The following PPP2R2A variants were observed in gnomAD, a reference collection of about 807,000 sequenced individuals.
PPP2R2A encodes protein phosphatase 2 regulatory subunit Balpha, also known as serine/threonine-protein phosphatase 2A 55 kDa regulatory subunit B alpha isoform.
In PPP2R2A, 9 loss-of-function variants were observed where a neutral mutation model predicts 53.2. That is an observed-to-expected ratio of 0.17 (90% CI 0.10 to 0.30). The LOEUF is 0.30. Among genes scored for constraint, PPP2R2A ranks in the 10% least tolerant of loss-of-function variants. PPP2R2A has a pLI of 1.00. For missense variants in PPP2R2A, 235 were observed against 534.6 expected (o/e 0.44, Z 5.53); for synonymous variants, 169 against 174.2 (o/e 0.97, Z 0.23).
intron 2 of PPP2R2A, among the ~76,000 whole-genome samples, chr8:26,336,493 GT>G (rs1803667970): frequency 6.6e-6 from 1 of 152,012 alleles, no homozygotes; most frequent in Admixed American, 6.5e-5. Context: ...AATCTCAATT[GT>G]TTTACTGTAA....
chr8:26,333,998 C>G (rs1803519854), intron 2 of PPP2R2A, among the ~76,000 whole-genome samples: 1 of 146,674 alleles, frequency 6.8e-6, no homozygotes, highest in South Asian at 2.2e-4. Flanking sequence ...AATTTAAGAA[C>G]ATTACATTAC....
At chr8:26,341,781 C>T (rs530106443) in intron 3 of PPP2R2A, among the ~76,000 whole-genome samples, 39 of 152,186 alleles carry the variant, frequency 2.6e-4, no homozygotes, top group African/African-American at 9.4e-4. Flanking sequence ...TACTGGAGAC[C>T]AAAATATCTC....
chr8:26,334,290 G>A (rs200398019), intron 2 of PPP2R2A, among the ~76,000 whole-genome samples: 7 of 152,200 alleles, frequency 4.6e-5, no homozygotes, highest in African/African-American at 1.7e-4. Flanking sequence ...GTGGTGGTTT[G>A]TGAGAATATA....
chr8:26,308,275 C>G (rs1326744190), intron 2 of PPP2R2A, among the ~76,000 whole-genome samples: 2 of 152,214 alleles, frequency 1.3e-5, no homozygotes, highest in African/African-American at 4.8e-5. Flanking sequence ...GACTGTGGCA[C>G]TTCTTAAAAA....
At chr8:26,329,752 T>C (rs759811456) in intron 2 of PPP2R2A, among the ~76,000 whole-genome samples, 3 of 152,234 alleles carry the variant, frequency 2.0e-5, no homozygotes, top group Non-Finnish European at 4.4e-5. Flanking sequence ...AAGGGTTTTT[T>C]CAGGGGATAG....
chr8:26,304,594 G>T, intron 2 of PPP2R2A, among the ~76,000 whole-genome samples: 1 of 152,142 alleles, frequency 6.6e-6, no homozygotes, highest in East Asian at 1.9e-4. Context: ...GTTACCCTGC[G>T]TGTCTGTTTT....
Position 26,291,696 on chromosome 8 carries a change from C to G in PPP2R2A, c.-124C>G. 2.9e-6 allele frequency: 2 copies of G among 686,772 alleles called. No individual in the cohort carries two copies. The highest frequency in any genetic ancestry group is 4.8e-6 in the Non-Finnish European group (2 of 414,306). 42.5% of individuals were successfully genotyped at this position (686,772 alleles called of 1,614,324 possible). ...TCCTTTTCCCCCCGGCCCCCGTCCC[C>G]TCCCCCCGCAGGTGCCATCCGCCGC... On this transcript the variant is annotated 5_prime_UTR_variant, in exon 1 of 10. Coordinates refer to ENST00000380737, the MANE Select transcript of PPP2R2A (RefSeq NM_002717.4).
intron 2 of PPP2R2A, among the ~76,000 whole-genome samples, chr8:26,336,903 C>T (rs1158665180): frequency 6.6e-6 from 1 of 151,350 alleles, no homozygotes; most frequent in African/African-American, 2.4e-5. Flanking sequence ...GTCCATGCTG[C>T]ACCAAACCTA....
chr8:26,369,846 C>G (rs1181298848), intron 9 of PPP2R2A, among the ~76,000 whole-genome samples: 2 of 152,150 alleles, frequency 1.3e-5, no homozygotes, highest in Non-Finnish European at 2.9e-5. Context: ...CCTGTAGTTG[C>G]AAAAATACTT....
intron 2 of PPP2R2A, among the ~76,000 whole-genome samples, chr8:26,306,244 G>T (rs889807212): frequency 6.6e-6 from 1 of 151,822 alleles, no homozygotes; most frequent in African/African-American, 2.4e-5. Context: ...GGGAGGCCAA[G>T]GTGGGTGGAT....
intron 4 of PPP2R2A, among the ~76,000 whole-genome samples, chr8:26,357,842 G>A (rs1804874723): frequency 6.6e-6 from 1 of 152,034 alleles, no homozygotes; most frequent in East Asian, 1.9e-4. Context: ...ACACCACAGT[G>A]TGGTCGTTTT....
chr8:26,349,934 G>C lies in PPP2R2A; in HGVS notation c.181-4534G>C, dbSNP rs1406251420. Among the ~76,000 whole-genome samples, 3 of 152,274 alleles carry C rather than the reference G, an allele frequency of 2.0e-5. No homozygotes were observed. The East Asian group carries it at 5.8e-4, about 29-fold the overall frequency. On this transcript the variant is annotated intron_variant, in intron 3 of 9. Coordinates refer to ENST00000380737, the MANE Select transcript of PPP2R2A (RefSeq NM_002717.4). ...AGCAGACATCACAGTAAAAAGTTCT[G>C]CTAATTTTATTCTTGTGAACAGTAT...
In PPP2R2A at chr8:26,362,668, A is replaced by G. The variant is rs1223682422; in HGVS notation, c.638-16A>G. Reference sequence around the variant, plus strand: ...CTTTTTTCTAAGTGGAAATTCCTTAATAAAATGTTATCTAGACATTGTGGA... The same window carrying G: ...CTTTTTTCTAAGTGGAAATTCCTTAGTAAAATGTTATCTAGACATTGTGGA... On this transcript the variant is annotated splice_polypyrimidine_tract_variant and intron_variant, in intron 6 of 9. Transcript: ENST00000380737. The surrounding 1 kb of genome is among the most constrained non-coding windows in gnomAD (Gnocchi z 4.4). The G allele has an allele frequency of 6.2e-7, 1 of 1,609,090 alleles. No individual in the cohort carries two copies. The highest frequency in any genetic ancestry group is 8.5e-7 in the Non-Finnish European group (1 of 1,176,942).
chr8:26,323,899 C>T (rs1416835755), intron 2 of PPP2R2A, among the ~76,000 whole-genome samples: 2 of 152,208 alleles, frequency 1.3e-5, no homozygotes, highest in African/African-American at 4.8e-5. Flanking sequence ...CTCTCTTAGG[C>T]TACTGCAGTA....
Position 26,370,031 on chromosome 8 carries a change from C to T in PPP2R2A, c.1065-103C>T, listed in dbSNP as rs1805592589. ...ACAGCCCCTGTCCCTTAGTTTAAAT[C>T]TGCTTTTGAAGTAGCTTCCTATGGT... On this transcript the variant is annotated intron_variant, in intron 9 of 9. Coordinates refer to ENST00000380737, the MANE Select transcript of PPP2R2A (RefSeq NM_002717.4). This position sits in a 1 kb window ranked among gnomAD's most constrained non-coding sequence, Gnocchi z 6.1. 1.2e-5 allele frequency: 15 copies of T among 1,245,494 alleles called. No individual in the cohort carries two copies. The South Asian group carries it at 2.2e-4, about 18-fold the overall frequency. The allele number at this position is 1,245,494 out of a possible 1,614,324, so 77.2% of individuals were successfully genotyped here. A position where few individuals can be genotyped will look rare whatever the true frequency, so the allele number is the denominator to read the frequency against.
At chr8:26,341,559 A>G (rs1803944883) in intron 3 of PPP2R2A, among the ~76,000 whole-genome samples, 2 of 152,242 alleles carry the variant, frequency 1.3e-5, no homozygotes. Flanking sequence ...TAACAAGGTT[A>G]TATTGCTTCA....
At chr8:26,334,675 G>A (rs1803561319) in intron 2 of PPP2R2A, among the ~76,000 whole-genome samples, 1 of 152,062 alleles carries the variant, frequency 6.6e-6, no homozygotes, top group African/African-American at 2.4e-5. Flanking sequence ...AACCCGGGAG[G>A]CGGAGGTTGC....
intron 3 of PPP2R2A, among the ~76,000 whole-genome samples, chr8:26,343,912 G>T (rs1390126517): frequency 6.6e-6 from 1 of 152,084 alleles, no homozygotes; most frequent in Non-Finnish European, 1.5e-5. Context: ...AAATAAATGT[G>T]TACATTTTCC....
intron 2 of PPP2R2A, among the ~76,000 whole-genome samples, chr8:26,303,770 T>C (rs951061322): frequency 6.6e-6 from 1 of 152,192 alleles, no homozygotes; most frequent in Admixed American, 6.5e-5. Context: ...ACTCCGCTAA[T>C]TTTTAAAAAT....
Sources: gnomAD v4.1 joint callset for allele counts (sites outside exome capture counted in the v4.1 genomes callset) on GRCh38, gnomAD v4.1.1 for gene constraint, Gnocchi (gnomAD v3.1) non-coding constraint, MANE v1.5 for transcripts, NCBI Gene and HGNC (gene_info 2026-07-23, HGNC 2026-07-21) for gene names.